The following PCDH11X variants were observed in gnomAD, a reference collection of about 807,000 sequenced individuals.
PCDH11X encodes protocadherin 11 X-linked.
A neutral mutation model predicts 53.3 loss-of-function variants in PCDH11X; 18 were observed. That is an observed-to-expected ratio of 0.34 (90% confidence interval 0.23 to 0.50). PCDH11X has a LOEUF of 0.50. Ranked by LOEUF, PCDH11X falls within the 20% of genes least tolerant of loss-of-function variation. The pLI, the probability that PCDH11X is intolerant of heterozygous loss-of-function variation, is 0.98. For missense variants in PCDH11X, 570 were observed against 1,032.4 expected (o/e 0.55, Z 6.14); for synonymous variants, 279 against 393.3 (o/e 0.71, Z 3.44).
chrX:92,484,301 G>A (rs762799233), intron 10 of PCDH11X, among the ~76,000 whole-genome samples: 235 of 101,180 alleles, frequency 2.3e-3, no homozygotes, highest in African/African-American at 8.1e-3. Flanking sequence ...ATATGTGTGT[G>A]TATATATATA....
chrX:92,432,888 G>C (rs1349316385), intron 9 of PCDH11X, among the ~76,000 whole-genome samples: 1 of 109,999 alleles, frequency 9.1e-6, no homozygotes, highest in Admixed American at 9.8e-5. Flanking sequence ...TTATTTTTAT[G>C]TTTTAAATCA....
chrX:91,844,298 T>G (rs1438364099), intron 5 of PCDH11X, among the ~76,000 whole-genome samples: 1 of 110,793 alleles, frequency 9.0e-6, no homozygotes, highest in African/African-American at 3.3e-5. Flanking sequence ...TGGACCTAGT[T>G]CAGTTTTTGT....
intron 6 of PCDH11X, among the ~76,000 whole-genome samples, chrX:91,923,480 A>G (rs1306219950): frequency 1.8e-5 from 2 of 109,034 alleles, no homozygotes; most frequent in African/African-American, 6.7e-5. Flanking sequence ...GCTCTTGAAT[A>G]TCAGACTCCA....
chrX:91,908,518 T>C (rs1404681763), intron 6 of PCDH11X, among the ~76,000 whole-genome samples: 1 of 111,732 alleles, frequency 8.9e-6, no homozygotes, highest in Admixed American at 9.5e-5. Context: ...TATTAAAAAG[T>C]CAAGGCCAGG....
chrX:92,043,333 A>G (rs1398742099), intron 6 of PCDH11X, among the ~76,000 whole-genome samples: 1 of 110,093 alleles, frequency 9.1e-6, no homozygotes, highest in Admixed American at 9.9e-5. Context: ...GATTGGACAA[A>G]ATGTGGAGGA....
intron 4 of PCDH11X, among the ~76,000 whole-genome samples, chrX:91,812,486 C>T (rs1312046357): frequency 6.3e-5 from 7 of 110,695 alleles, no homozygotes; most frequent in Admixed American, 2.9e-4. Context: ...TCAAGTTTTC[C>T]GTTCATTGAA....
intron 9 of PCDH11X, among the ~76,000 whole-genome samples, chrX:92,451,518 A>G (rs2072779719): frequency 9.9e-6 from 1 of 100,673 alleles, no homozygotes; most frequent in Non-Finnish European, 1.9e-5. Flanking sequence ...ATGTGTTTCA[A>G]TCATTCACCA....
At chrX:91,943,140 A>G (rs2061530825) in intron 6 of PCDH11X, among the ~76,000 whole-genome samples, 1 of 94,423 alleles carries the variant, frequency 1.1e-5, no homozygotes, top group Admixed American at 1.2e-4. Context: ...AACATGGAGG[A>G]TTTTCAAGGC....
intron 6 of PCDH11X, among the ~76,000 whole-genome samples, chrX:92,190,279 A>C (rs929196279): frequency 2.2e-4 from 24 of 111,227 alleles, no homozygotes; most frequent in African/African-American, 7.8e-4. Context: ...AATTTTCTGC[A>C]TATGGCCAGC....
chrX:92,158,660 AG>A (rs1456761274), intron 6 of PCDH11X, among the ~76,000 whole-genome samples: 2 of 111,631 alleles, frequency 1.8e-5, no homozygotes, highest in Admixed American at 9.5e-5. Flanking sequence ...TTTTTGAAAC[AG>A]AGTCTAGCTC....
At chrX:92,226,707 T>C (rs2066977907) in intron 7 of PCDH11X, among the ~76,000 whole-genome samples, 1 of 110,809 alleles carries the variant, frequency 9.0e-6, no homozygotes, top group African/African-American at 3.3e-5. Flanking sequence ...CTATGGGTAG[T>C]CTAGCCTCAG....
At chrX:92,334,614 G>T (rs2069571947) in intron 8 of PCDH11X, among the ~76,000 whole-genome samples, 1 of 111,458 alleles carries the variant, frequency 9.0e-6, no homozygotes, top group African/African-American at 3.3e-5. Context: ...CTCCCAAAAA[G>T]CAGAGAAAAG....
chrX:91,962,601 G>T (rs1218291500), intron 6 of PCDH11X, among the ~76,000 whole-genome samples: 1 of 111,173 alleles, frequency 9.0e-6, no homozygotes, highest in Non-Finnish European at 1.9e-5. Context: ...TCTGGGATCT[G>T]GAAGACTGTG....
intron 6 of PCDH11X, among the ~76,000 whole-genome samples, chrX:91,925,231 C>G (rs1393916693): frequency 9.0e-6 from 1 of 110,551 alleles, no homozygotes; most frequent in Non-Finnish European, 1.9e-5. Flanking sequence ...TACATTAGCC[C>G]ATAGTTCAGC....
At chrX:92,151,699 C>T (rs1325142182) in intron 6 of PCDH11X, among the ~76,000 whole-genome samples, 9 of 110,945 alleles carry the variant, frequency 8.1e-5, no homozygotes, top group Admixed American at 5.8e-4. Flanking sequence ...TTATTATTAT[C>T]GTTACATATA....
At chrX:91,984,595 A>G (rs1469202334) in intron 6 of PCDH11X, among the ~76,000 whole-genome samples, 1 of 110,646 alleles carries the variant, frequency 9.0e-6, no homozygotes, top group African/African-American at 3.3e-5. Flanking sequence ...CTGCTAAGGC[A>G]ACCTGGGAGT....
chrX:92,178,886 A>T (rs1413064641), intron 6 of PCDH11X, among the ~76,000 whole-genome samples: 2 of 112,161 alleles, frequency 1.8e-5, no homozygotes, highest in African/African-American at 6.5e-5. Flanking sequence ...TCAAAATTAA[A>T]TGAAATATTT....
At chrX:92,193,784 T>TA (rs1461599194) in intron 6 of PCDH11X, among the ~76,000 whole-genome samples, 1 of 111,714 alleles carries the variant, frequency 9.0e-6, no homozygotes, top group African/African-American at 3.2e-5. Flanking sequence ...AATGTTTATC[T>TA]AAAAATCACT....
intron 8 of PCDH11X, among the ~76,000 whole-genome samples, chrX:92,267,618 G>C (rs2067862074): frequency 8.9e-6 from 1 of 112,402 alleles, no homozygotes; most frequent in Non-Finnish European, 1.9e-5. Context: ...TTGTACAACA[G>C]TGCAGACGTG....
Sources: gnomAD v4.1 joint callset for allele counts (sites outside exome capture counted in the v4.1 genomes callset) on GRCh38, gnomAD v4.1.1 for gene constraint, MANE v1.5 for transcripts, NCBI Gene and HGNC (gene_info 2026-07-23, HGNC 2026-07-21) for gene names.